TMEM266: variants seen among roughly 807,000 people sequenced by gnomAD.
TMEM266 encodes the protein transmembrane protein 266, also known as Hv1 related protein 1.
In TMEM266, 33 loss-of-function variants were observed where a neutral mutation model predicts 50.5. The ratio of observed to expected loss-of-function variants is 0.65; its 90% CI spans 0.50 to 0.87. The LOEUF (loss-of-function observed/expected upper bound fraction) is 0.87, where lower values mean the gene tolerates loss of function less well. Among genes scored for constraint, TMEM266 ranks in the 40% least tolerant of loss-of-function variants. The pLI is 0.00. For synonymous variants in TMEM266, 310 were observed against 292.3 expected (o/e 1.06, Z -0.62); for missense variants, 655 against 695.1 (o/e 0.94, Z 0.65).
At chr15:76,121,972 A>G (rs1226181660) in intron 1 of TMEM266, among the ~76,000 whole-genome samples, 1 of 152,262 alleles carries the variant, frequency 6.6e-6, no homozygotes, top group African/African-American at 2.4e-5. Context: ...TTCCTGGAAC[A>G]TAGAAGATGC....
At chr15:76,103,527 G>A (rs2037035847) in intron 1 of TMEM266, among the ~76,000 whole-genome samples, 1 of 152,196 alleles carries the variant, frequency 6.6e-6, no homozygotes, top group Non-Finnish European at 1.5e-5. Flanking sequence ...AGATGGAAAA[G>A]GCCATGGTGG....
At position 76,167,834 on chromosome 15, in the gene TMEM266, C is replaced by T. The variant is rs561037263; in HGVS notation, c.457-1982C>T. On this transcript the variant is annotated intron_variant, in intron 5 of 10. Coordinates refer to ENST00000388942, the MANE Select transcript of TMEM266 (RefSeq NM_152335.3). The stretch of plus-strand genomic sequence containing the variant: ...GTGTTCTTACACAGCTGAGTACACT[C>T]TGCAGAACCAGAAACCTCTGGGTCC... Among the ~76,000 whole-genome samples, 5 of 152,096 alleles carry T rather than the reference C, an allele frequency of 3.3e-5. No individual in the cohort carries two copies. In the East Asian group the frequency reaches 7.7e-4, roughly 24 times the overall value.
At chr15:76,121,944 C>T (rs1358045626) in intron 1 of TMEM266, among the ~76,000 whole-genome samples, 1 of 152,208 alleles carries the variant, frequency 6.6e-6, no homozygotes, top group Non-Finnish European at 1.5e-5. Flanking sequence ...ATCTTGATAA[C>T]CTCAATGTTT....
At position 76,202,209 on chromosome 15, in the gene TMEM266, G is replaced by C; in HGVS notation, c.966G>C (p.Thr322=). ...CTGTCCCCACCTCTGTAGAAGCCAC[G>C]ATGAAGGACGACATGAACAGCTACA... Residue 322 remains threonine, a synonymous_variant, in exon 10 of 11, where the codon ACG becomes ACC. Coordinates refer to ENST00000388942, the MANE Select transcript of TMEM266 (RefSeq NM_152335.3). 6.2e-7 allele frequency: 1 copy of C among 1,613,816 alleles called. No homozygotes were observed.
chr15:76,078,157 G>A (rs575326672), intron 1 of TMEM266, among the ~76,000 whole-genome samples: 39 of 152,158 alleles, frequency 2.6e-4, no homozygotes, highest in African/African-American at 8.9e-4. Context: ...TGAACTTTGT[G>A]GTGCTGGAGA....
intron 3 of TMEM266, among the ~76,000 whole-genome samples, chr15:76,142,513 C>T (rs568316281): frequency 1.3e-5 from 2 of 152,238 alleles, no homozygotes; most frequent in Non-Finnish European, 2.9e-5. Context: ...ATACTGCTTT[C>T]TGCAGTGGTT....
At chr15:76,159,968 A>G (rs190124313) in intron 4 of TMEM266, 127 bp from the exon 5 acceptor site, 109 of 854,428 alleles carry the variant, frequency 1.3e-4, no homozygotes, top group Admixed American at 1.9e-4. Flanking sequence ...CCCAATTTCC[A>G]CCAGATCTAA....
chr15:76,153,829 A>G lies in TMEM266; in HGVS notation c.228-2775A>G, dbSNP rs2037880881. Reference sequence around the variant, plus strand: ...TGGCCAAGTGATGATAGCCAAAGATATCTTAAAATGCAAAGGCTCGTTAAT... The same window carrying G: ...TGGCCAAGTGATGATAGCCAAAGATGTCTTAAAATGCAAAGGCTCGTTAAT... On this transcript the variant is annotated intron_variant, in intron 3 of 10. Coordinates refer to ENST00000388942, the MANE Select transcript of TMEM266 (RefSeq NM_152335.3). The surrounding 1 kb of genome is among the most constrained non-coding windows in gnomAD (Gnocchi z 4.2). Among the ~76,000 whole-genome samples, 2 of 152,152 alleles carry G rather than the reference A, an allele frequency of 1.3e-5. No individual in the cohort carries two copies.
intron 9 of TMEM266, among the ~76,000 whole-genome samples, chr15:76,196,349 C>T (rs895592428): frequency 2.0e-5 from 3 of 152,200 alleles, no homozygotes; most frequent in African/African-American, 7.2e-5. Context: ...GCATCAACAG[C>T]AAAGCCAGTG....
chr15:76,110,082 CT>C (rs978654128), intron 1 of TMEM266, among the ~76,000 whole-genome samples: 1 of 152,102 alleles, frequency 6.6e-6, no homozygotes, highest in African/African-American at 2.4e-5. Flanking sequence ...TCACTGCAAT[CT>C]CTGTCTCCTG....
intron 9 of TMEM266, among the ~76,000 whole-genome samples, chr15:76,199,762 G>GTCTCTCCC (rs2038713778): frequency 6.7e-6 from 1 of 148,542 alleles, no homozygotes; most frequent in Non-Finnish European, 1.5e-5. Context: ...GTAAACACTA[G>GTCTCTCCC]TCCCTCCCTC....
chr15:76,141,511 T>TCC (rs2037677287), intron 3 of TMEM266, among the ~76,000 whole-genome samples: 2 of 152,176 alleles, frequency 1.3e-5, no homozygotes, highest in Non-Finnish European at 2.9e-5. Flanking sequence ...AGTGTTGGGA[T>TCC]TACAGGCGTG....
chr15:76,192,368 C>G (rs563624987), intron 9 of TMEM266, among the ~76,000 whole-genome samples: 1 of 152,312 alleles, frequency 6.6e-6, no homozygotes, highest in Admixed American at 6.5e-5. Context: ...GCCACCGACC[C>G]AAACTAGAAA....
At chr15:76,140,484 A>G (rs2037660329) in intron 3 of TMEM266, among the ~76,000 whole-genome samples, 1 of 152,200 alleles carries the variant, frequency 6.6e-6, no homozygotes, top group African/African-American at 2.4e-5. Context: ...GCCTCTTCCT[A>G]CGAAGGCCAG....
chr15:76,103,178 A>C (rs2037030175), intron 1 of TMEM266, among the ~76,000 whole-genome samples: 1 of 152,128 alleles, frequency 6.6e-6, no homozygotes, highest in Non-Finnish European at 1.5e-5. Flanking sequence ...TAAAACTGAC[A>C]TACTCGCTAA....
chr15:76,201,282 T>C (rs1466113488), intron 9 of TMEM266, among the ~76,000 whole-genome samples: 1 of 152,180 alleles, frequency 6.6e-6, no homozygotes, highest in Non-Finnish European at 1.5e-5. Flanking sequence ...GCTCTTAGGA[T>C]GGCTTTTGGG....
chr15:76,068,304 C>G lies in TMEM266; in HGVS notation c.-97+8288C>G, dbSNP rs2036471644. Among the ~76,000 whole-genome samples, 4 of 152,192 alleles carry G rather than the reference C, an allele frequency of 2.6e-5. No homozygotes were observed. In the South Asian group the frequency reaches 8.3e-4, roughly 31 times the overall value. ...GGAAAGTGTTTACACAGATGATCTC[C>G]AAAATGTTCCCTACGAATAGTCTAG... On this transcript the variant is annotated intron_variant, in intron 1 of 10. Transcript: ENST00000388942.
Position 76,126,367 on chromosome 15 carries a change from C to A in TMEM266, c.-96-7801C>A, listed in dbSNP as rs552038838. On this transcript the variant is annotated intron_variant, in intron 1 of 10. Transcript: ENST00000388942. ...TGTGTGTGTACACACACACACACAC[C>A]CACAGACATATATATATATATATAT... Among the ~76,000 whole-genome samples, 637 of 111,768 alleles carry A rather than the reference C, an allele frequency of 5.7e-3. 8 individuals are homozygous for A. Among genetic ancestry groups the A allele is most frequent in the East Asian group, 0.028 (80 of 2,864 alleles). The allele number at this position is 111,768 out of a possible 152,430, so 73.3% of individuals were successfully genotyped here.
intron 8 of TMEM266, among the ~76,000 whole-genome samples, chr15:76,188,098 C>A (rs974682818): frequency 6.6e-6 from 1 of 152,084 alleles, no homozygotes; most frequent in Non-Finnish European, 1.5e-5. Context: ...CACCCCGCCC[C>A]ACTGGAACAC....
Sources: allele counts gnomAD v4.1 joint callset (sites outside exome capture counted in the v4.1 genomes callset), GRCh38; gene constraint gnomAD v4.1.1; non-coding constraint Gnocchi (gnomAD v3.1); transcripts MANE v1.5; gene names NCBI Gene and HGNC (gene_info 2026-07-23, HGNC 2026-07-21).